ADAM22: variants seen among roughly 807,000 people sequenced by gnomAD.
ADAM22 encodes disintegrin and metalloproteinase domain-containing protein 22.
Under a neutral mutation model 144.6 loss-of-function variants are expected in ADAM22, and 65 were observed. The observed-to-expected ratio is 0.45, with a 90% confidence interval of 0.37 to 0.55. The LOEUF (loss-of-function observed/expected upper bound fraction) is 0.55, where lower values mean the gene tolerates loss of function less well. ADAM22 is among the 20% of genes least tolerant of loss of function. The pLI is 0.00. For missense variants in ADAM22, 974 were observed against 1,184.9 expected, an observed-to-expected ratio of 0.82 and a Z score of 2.61; for synonymous variants, 391 against 412.6, an observed-to-expected ratio of 0.95 and a Z score of 0.63.
chr7:87,937,742 A>T (rs866298980), intron 2 of ADAM22, among the ~76,000 whole-genome samples: 2 of 152,218 alleles, frequency 1.3e-5, no homozygotes, highest in African/African-American at 4.8e-5. Flanking sequence ...GAGAAGAATG[A>T]CTGGTTTTTG....
chr7:87,966,721 G>GTTGTTTTT (rs1849131809), intron 2 of ADAM22, among the ~76,000 whole-genome samples: 1 of 39,886 alleles, frequency 2.5e-5, no homozygotes, highest in Non-Finnish European at 4.0e-5. Context: ...AAGGAAAGCC[G>GTTGTTTTT]TTTTTTTTTT....
At position 88,116,462 on chromosome 7, in the gene ADAM22, A is replaced by G. The variant is rs541601660; in HGVS notation, c.538-283A>G. On this transcript the variant is annotated intron_variant, in intron 6 of 31. Coordinates refer to ENST00000413139, the MANE Select transcript of ADAM22 (RefSeq NM_001324418.2). ...AAAAAACATTAAGTCATTTTGCCAA[A>G]TGTCTTATTTGTCCTTGGGGGAATA... 2.6e-5 allele frequency among the ~76,000 whole-genome samples: 4 copies of G among 152,272 alleles called. No individual in the cohort carries two copies. In the East Asian group the frequency reaches 7.7e-4, roughly 29 times the overall value.
intron 2 of ADAM22, among the ~76,000 whole-genome samples, chr7:87,949,041 C>G (rs1844393164): frequency 6.6e-6 from 1 of 152,168 alleles, no homozygotes; most frequent in Non-Finnish European, 1.5e-5. Context: ...TATTTATTTT[C>G]TCTGGATTAT....
At chr7:88,078,139 C>G (rs1025323860) in intron 4 of ADAM22, among the ~76,000 whole-genome samples, 3 of 152,178 alleles carry the variant, frequency 2.0e-5, no homozygotes, top group African/African-American at 7.2e-5. Context: ...GCTGGGTACT[C>G]CTCTGAGACA....
Position 88,140,890 on chromosome 7 carries a change from A to G in ADAM22, c.1221-2136A>G, listed in dbSNP as rs115030439. On this transcript the variant is annotated intron_variant, in intron 14 of 31. Coordinates refer to ENST00000413139, the MANE Select transcript of ADAM22 (RefSeq NM_001324418.2). ...GAGAGTTTTATTACTAGTCACAAGT[A>G]AAGAGAGCTCTGAGAGTATTCACTA... 7.8e-3 allele frequency among the ~76,000 whole-genome samples: 1,194 copies of G among 152,254 alleles called. 18 individuals are homozygous for G. Among genetic ancestry groups the G allele is most frequent in the African/African-American group, 0.027 (1,132 of 41,548 alleles).
chr7:87,954,820 T>A (rs1846230920), intron 2 of ADAM22, among the ~76,000 whole-genome samples: 1 of 152,244 alleles, frequency 6.6e-6, no homozygotes, highest in African/African-American at 2.4e-5. Context: ...AGTCCCATAT[T>A]TCTTGGAGGC....
chr7:88,039,390 C>T (rs574464993), intron 3 of ADAM22, among the ~76,000 whole-genome samples: 13 of 143,154 alleles, frequency 9.1e-5, no homozygotes, highest in Non-Finnish European at 2.0e-4. Flanking sequence ...TGCAGTGAGC[C>T]GAGATTGCAC....
At chr7:88,051,522 T>C (rs1296071113) in intron 3 of ADAM22, among the ~76,000 whole-genome samples, 1 of 140,558 alleles carries the variant, frequency 7.1e-6, no homozygotes, top group Non-Finnish European at 1.5e-5. Flanking sequence ...GGACACAGGG[T>C]GGGGAACACC....
chr7:88,166,680 A>T (rs1456475110), intron 24 of ADAM22, among the ~76,000 whole-genome samples: 1 of 152,200 alleles, frequency 6.6e-6, no homozygotes, highest in Non-Finnish European at 1.5e-5. Context: ...CAGAAAGGGT[A>T]AACAGTTTTA....
intron 30 of ADAM22, among the ~76,000 whole-genome samples, chr7:88,192,140 A>G (rs746643963): frequency 3.8e-4 from 58 of 152,172 alleles, no homozygotes; most frequent in Non-Finnish European, 7.1e-4. Context: ...CAGATGAGGT[A>G]CATTCTACTG....
chr7:88,012,113 T>C (rs1320071764), intron 3 of ADAM22, among the ~76,000 whole-genome samples: 1 of 151,870 alleles, frequency 6.6e-6, no homozygotes, highest in South Asian at 2.1e-4. Context: ...GATTCTTTCC[T>C]CAGTTGTGTC....
intron 22 of ADAM22, among the ~76,000 whole-genome samples, chr7:88,162,242 C>A (rs1330616032): frequency 6.6e-6 from 1 of 151,888 alleles, no homozygotes; most frequent in East Asian, 1.9e-4. Flanking sequence ...AACAGAAAAC[C>A]AAATACCACA....
intron 3 of ADAM22, among the ~76,000 whole-genome samples, chr7:88,001,642 G>C (rs1792585918): frequency 6.6e-6 from 1 of 152,016 alleles, no homozygotes; most frequent in African/African-American, 2.4e-5. Context: ...TCCAAAATGA[G>C]AGGATGGCAT....
At chr7:87,956,268 T>G (rs533295008) in intron 2 of ADAM22, among the ~76,000 whole-genome samples, 17 of 152,268 alleles carry the variant, frequency 1.1e-4, no homozygotes, top group African/African-American at 4.1e-4. Flanking sequence ...TTGGCCATCT[T>G]GGCTCCTCCT....
At chr7:88,187,426 A>G (rs1054805444) in intron 30 of ADAM22, among the ~76,000 whole-genome samples, 2 of 152,250 alleles carry the variant, frequency 1.3e-5, no homozygotes, top group Non-Finnish European at 2.9e-5. Context: ...GACTCACAAA[A>G]TAGAAGAATA....
At chr7:88,122,980 A>G (rs1340057104) in intron 7 of ADAM22, among the ~76,000 whole-genome samples, 2 of 152,182 alleles carry the variant, frequency 1.3e-5, no homozygotes, top group African/African-American at 4.8e-5. Context: ...TTTATCAAGA[A>G]TAGGTGTTGA....
chr7:87,937,009 G>A (rs1357447272), intron 2 of ADAM22, among the ~76,000 whole-genome samples: 1 of 152,134 alleles, frequency 6.6e-6, no homozygotes, highest in Non-Finnish European at 1.5e-5. Flanking sequence ...AGACAGGAGT[G>A]CAGTAGCACG....
At chr7:88,032,294 G>C (rs1467030366) in intron 3 of ADAM22, among the ~76,000 whole-genome samples, 1 of 152,228 alleles carries the variant, frequency 6.6e-6, no homozygotes, top group Middle Eastern at 3.2e-3. Flanking sequence ...GGACTTGGGA[G>C]CCCACTTTTT....
At chr7:88,157,388 G>T (rs1032557363) in intron 22 of ADAM22, among the ~76,000 whole-genome samples, 4 of 152,106 alleles carry the variant, frequency 2.6e-5, no homozygotes, top group Non-Finnish European at 4.4e-5. Flanking sequence ...AATGGTTTAG[G>T]ATTTGGCAAC....
Sources: gnomAD v4.1 joint callset for allele counts (sites outside exome capture counted in the v4.1 genomes callset) on GRCh38, gnomAD v4.1.1 for gene constraint, MANE v1.5 for transcripts, NCBI Gene and HGNC (gene_info 2026-07-23, HGNC 2026-07-21) for gene names.